The following HS6ST2 variants were observed in gnomAD, a reference collection of about 807,000 sequenced individuals.
The protein encoded by HS6ST2 is heparan sulfate 6-O-sulfotransferase 2.
HS6ST2 carries 17 observed loss-of-function variants against 33.0 expected under a neutral mutation model. That is an observed-to-expected ratio of 0.52 (90% CI 0.35 to 0.77). The LOEUF is 0.77. Among genes scored for constraint, HS6ST2 ranks in the 30% least tolerant of loss-of-function variants. The pLI, the probability that HS6ST2 is intolerant of heterozygous loss-of-function variation, is 0.01. For missense variants in HS6ST2, 519 were observed against 551.7 expected (o/e 0.94, Z 0.59); for synonymous variants, 248 against 237.1 (o/e 1.05, Z -0.42).
chrX:132,845,209 C>T (rs2065740831), intron 2 of HS6ST2, among the ~76,000 whole-genome samples: 1 of 109,459 alleles, frequency 9.1e-6, no homozygotes, highest in Non-Finnish European at 1.9e-5. Flanking sequence ...ACTGATTAAT[C>T]TAATCCTAAG....
chrX:132,903,812 A>T (rs974053978), intron 2 of HS6ST2, among the ~76,000 whole-genome samples: 1 of 112,372 alleles, frequency 8.9e-6, no homozygotes, highest in African/African-American at 3.2e-5. Flanking sequence ...TAAAAGATAA[A>T]CTCAAAAAAG....
chrX:132,891,491 C>A (rs1238593743), intron 2 of HS6ST2, among the ~76,000 whole-genome samples: 1 of 108,557 alleles, frequency 9.2e-6, no homozygotes, highest in Non-Finnish European at 1.9e-5. Flanking sequence ...CCCATTAACT[C>A]GTCATTTAGC....
At chrX:132,872,424 C>T (rs940663933) in intron 2 of HS6ST2, among the ~76,000 whole-genome samples, 2 of 111,575 alleles carry the variant, frequency 1.8e-5, no homozygotes, top group African/African-American at 6.5e-5. Context: ...AGAGACTCCT[C>T]GTTTTACAGA....
intron 2 of HS6ST2, among the ~76,000 whole-genome samples, chrX:132,806,967 C>G (rs1230734584): frequency 9.1e-6 from 1 of 110,229 alleles, no homozygotes; most frequent in Non-Finnish European, 1.9e-5. Context: ...GTGATTGGGA[C>G]TATTGTGCCC....
rs187991779 is a variant in HS6ST2 at position 132,774,289 on chromosome X, T to G, written c.948-65795A>C. Among the ~76,000 whole-genome samples the G allele has an allele frequency of 1.5e-4, 17 of 112,256 alleles. No homozygotes were observed. In the East Asian group the frequency reaches 4.8e-3, roughly 32 times the overall value. On this transcript the variant is annotated intron_variant, in intron 2 of 4. Transcript: ENST00000370833. ...AACTCCCAGAAGAAGGTTTAGGGGG[T>G]TGAGAGAAAAGCTCCTGAACCTCCT...
intron 3 of HS6ST2, among the ~76,000 whole-genome samples, chrX:132,684,296 C>T (rs1225462720): frequency 9.8e-6 from 1 of 101,921 alleles, no homozygotes; most frequent in African/African-American, 3.6e-5. Context: ...TATACACGCA[C>T]ACACATATAT....
chrX:132,791,815 A>C (rs2065121859), intron 2 of HS6ST2, among the ~76,000 whole-genome samples: 1 of 110,413 alleles, frequency 9.1e-6, no homozygotes, highest in African/African-American at 3.3e-5. Context: ...TTCTACAAAA[A>C]AAAAAAAAAA....
At chrX:132,828,094 C>A (rs1050585726) in intron 2 of HS6ST2, among the ~76,000 whole-genome samples, 8 of 111,452 alleles carry the variant, frequency 7.2e-5, no homozygotes, top group Non-Finnish European at 1.3e-4. Flanking sequence ...TAGGGACTTG[C>A]CATGGCAAAG....
At chrX:132,770,105 TCTC>T (rs755483830) in intron 2 of HS6ST2, among the ~76,000 whole-genome samples, 7 of 111,807 alleles carry the variant, frequency 6.3e-5, no homozygotes, top group Non-Finnish European at 1.1e-4. Context: ...GTAGTTATCA[TCTC>T]CTGAGTGCTG....
chrX:132,863,338 G>C (rs1248768987), intron 2 of HS6ST2, among the ~76,000 whole-genome samples: 1 of 111,231 alleles, frequency 9.0e-6, no homozygotes, highest in Non-Finnish European at 1.9e-5. Context: ...TTTATTTAAA[G>C]AGACAGAGTC....
chrX:132,677,123 G>T (rs1218512341), intron 3 of HS6ST2, among the ~76,000 whole-genome samples: 4 of 112,253 alleles, frequency 3.6e-5, no homozygotes, highest in Non-Finnish European at 7.5e-5. Context: ...AGCCTAGTTG[G>T]TGAACATTAC....
Position 132,958,480 on chromosome X carries a change from G to T in HS6ST2, c.123C>A (p.Ser41Arg). Residue 41 changes from serine (S) to arginine (R), a missense_variant, in exon 1 of 5, where the codon AGC (serine) becomes AGA (arginine). Ser to Arg is a moderately radical substitution (Grantham distance 110, BLOSUM62 -1). Coordinates refer to ENST00000370833, the MANE Select transcript of HS6ST2 (RefSeq NM_001394073.1). ...HSRVEAELAASRPGSVAASVR... is the reference protein window; with the variant it reads ...HSRVEAELAARRPGSVAASVR... ...CTGAGGCGGCGACCGACCCGGGCCG[G>T]CTCGCTGCCAATTCGGCCTCTACTC... 1 of 1,196,074 alleles carries T rather than the reference G, an allele frequency of 8.4e-7. No homozygotes were observed. Among genetic ancestry groups the T allele is most frequent in the Non-Finnish European group, 1.1e-6 (1 of 889,300 alleles).
At chrX:132,866,817 G>T (rs1308853262) in intron 2 of HS6ST2, among the ~76,000 whole-genome samples, 1 of 100,851 alleles carries the variant, frequency 9.9e-6, no homozygotes, top group Non-Finnish European at 2.0e-5. Context: ...TGTGATTTTT[G>T]TACATTGATT....
chrX:132,939,757 A>G (rs1443056465), intron 2 of HS6ST2, among the ~76,000 whole-genome samples: 1 of 112,449 alleles, frequency 8.9e-6, no homozygotes, highest in Non-Finnish European at 1.9e-5. Context: ...TTCAAAACTT[A>G]CAATCTAAAG....
chrX:132,800,994 C>T (rs2065229644), intron 2 of HS6ST2, among the ~76,000 whole-genome samples: 1 of 111,606 alleles, frequency 9.0e-6, no homozygotes, highest in Non-Finnish European at 1.9e-5. Flanking sequence ...CTGAGGCCTC[C>T]CCAGCCCTGT....
At position 132,956,848 on chromosome X, in the gene HS6ST2, C is replaced by G; in HGVS notation, c.907G>C (p.Val303Leu). ...WTELTSCVPS[V>L]VDGKRDARLR... ...CTGGCGTCGCGCTTGCCGTCCACCA[C>G]GGAGGGCACACAGCTGGTGAGCTCG... Residue 303 changes from valine to leucine, a missense_variant, in exon 2 of 5, where the codon GTG (valine) becomes CTG (leucine). Physicochemically the swap from Val to Leu is conservative, Grantham distance 32. Transcript: ENST00000370833. 1 of 1,182,838 alleles carries G rather than the reference C, an allele frequency of 8.5e-7. No homozygotes were observed. Among genetic ancestry groups the G allele is most frequent in the Non-Finnish European group, 1.1e-6 (1 of 880,809 alleles).
At chrX:132,944,050 G>A (rs1210084461) in intron 2 of HS6ST2, among the ~76,000 whole-genome samples, 6 of 111,197 alleles carry the variant, frequency 5.4e-5, no homozygotes, top group African/African-American at 2.0e-4. Flanking sequence ...ATTCAATTGG[G>A]AAAAGAGGAA....
chrX:132,638,598 T>C (rs1257456249), intron 4 of HS6ST2, among the ~76,000 whole-genome samples: 1 of 112,113 alleles, frequency 8.9e-6, no homozygotes, highest in Non-Finnish European at 1.9e-5. Context: ...CATGACTTCA[T>C]TTAATTGTCT....
chrX:132,880,879 T>C (rs1490001563), intron 2 of HS6ST2, among the ~76,000 whole-genome samples: 1 of 107,714 alleles, frequency 9.3e-6, no homozygotes, highest in African/African-American at 3.4e-5. Context: ...CATGCAGTGT[T>C]TGGTTTCTGT....
Sources: gnomAD v4.1 joint callset for allele counts (sites outside exome capture counted in the v4.1 genomes callset) on GRCh38, gnomAD v4.1.1 for gene constraint, MANE v1.5 for transcripts, NCBI Gene and HGNC (gene_info 2026-07-23, HGNC 2026-07-21) for gene names.